Variants in EPS8 observed in about 807,000 individuals in gnomAD.
The protein encoded by EPS8 is epidermal growth factor receptor kinase substrate 8.
Under a neutral mutation model 103.8 loss-of-function variants are expected in EPS8, and 42 were observed. That is an observed-to-expected ratio of 0.40 (90% CI 0.32 to 0.52). EPS8 has a LOEUF of 0.52. Ranked by LOEUF, EPS8 falls within the 20% of genes least tolerant of loss-of-function variation. EPS8 has a pLI of 0.40. For missense variants in EPS8, 969 were observed against 1,005.1 expected (o/e 0.96, Z 0.49); for synonymous variants, 344 against 344.6 (o/e 1.00, Z 0.02).
rs188709815 is a variant in EPS8, at chr12:15,716,773, T to C, written c.-21-33801A>G. ...AATGATGTGAGGTCACTTACATAAA[T>C]TGTTAGGACAACCAAGCAGAATCGA... On this transcript the variant is annotated intron_variant, in intron 1 of 20. Transcript: ENST00000281172. This position sits in a 1 kb window ranked among gnomAD's most constrained non-coding sequence, Gnocchi z 5.0. Among the ~76,000 whole-genome samples, 89 of 152,310 alleles carry C rather than the reference T, an allele frequency of 5.8e-4. 1 individual carries two copies. The highest frequency in any genetic ancestry group is 2.0e-3 in the African/African-American group (84 of 41,572).
rs1282181607 is a variant in EPS8, at chr12:15,751,294, G to C, written c.-22+37867C>G. On this transcript the variant is annotated intron_variant, in intron 1 of 20. Coordinates refer to ENST00000281172, the MANE Select transcript of EPS8 (RefSeq NM_004447.6). The surrounding 1 kb of genome is among the most constrained non-coding windows in gnomAD (Gnocchi z 4.3). ...AATCGCTTGAACCTGGGAGATAAAG[G>C]CTGCAGTGAGCTGAGATCACGCCAC... 6.6e-6 allele frequency among the ~76,000 whole-genome samples: 1 copy of C among 152,086 alleles called. No individual in the cohort carries two copies. Among genetic ancestry groups the C allele is most frequent in the Non-Finnish European group, 1.5e-5 (1 of 68,014 alleles).
intron 1 of EPS8, among the ~76,000 whole-genome samples, chr12:15,743,845 G>T (rs542482486): frequency 9.2e-5 from 14 of 152,264 alleles, no homozygotes; most frequent in African/African-American, 2.9e-4. Context: ...CAGGCCATAG[G>T]CATGGGCAAG....
Position 15,666,490 on chromosome 12 carries a change from T to G in EPS8, c.549A>C (p.Ala183=), listed in dbSNP as rs777252396. 7 of 1,613,994 alleles carry G rather than the reference T, an allele frequency of 4.3e-6. No individual in the cohort carries two copies. Among genetic ancestry groups the G allele is most frequent in the East Asian group, 2.2e-5 (1 of 44,862 alleles). The change falls in exon 7 of 21, where the codon GCA becomes GCC. Residue 183 remains alanine, a synonymous_variant. Coordinates refer to ENST00000281172, the MANE Select transcript of EPS8 (RefSeq NM_004447.6). ...GTTTCCCTCCTTTACTGTCACTGAT[T>G]GCACTTTCAATATCTTCACTAATTA... ...ANLISEDIES[A]ISDSKGGKQK... is the part of the protein sequence containing the mutation.
chr12:15,709,469 A>G (rs1474474263), intron 1 of EPS8, among the ~76,000 whole-genome samples: 1 of 152,232 alleles, frequency 6.6e-6, no homozygotes, highest in Non-Finnish European at 1.5e-5. Flanking sequence ...AAGCATAAAG[A>G]AGAAGCTTAA....
chr12:15,703,664 T>C (rs116515855), intron 1 of EPS8, among the ~76,000 whole-genome samples: 3,116 of 151,480 alleles, frequency 0.021, 97 homozygotes, highest in African/African-American at 0.069. Flanking sequence ...TAGGAGATGG[T>C]AAGGAGTAAC....
rs75139676 is a variant in EPS8 at position 15,660,873 on chromosome 12, A to G, written c.811-133T>C. On this transcript the variant is annotated intron_variant, in intron 9 of 20. Transcript: ENST00000281172. ...CATGCCAATTTCAAGTTTATTACTA[A>G]TTACAAGAATCAAACTAAATATACC... The G allele has an allele frequency of 2.3e-3, 1,324 of 573,648 alleles. 21 individuals are homozygous for G. In the East Asian group the frequency reaches 0.037, roughly 16 times the overall value. The allele number at this position is 573,648 out of a possible 1,614,324, so 35.5% of individuals were successfully genotyped here. A position where few individuals can be genotyped will look rare whatever the true frequency, so the allele number is the denominator to read the frequency against.
intron 1 of EPS8, among the ~76,000 whole-genome samples, chr12:15,723,400 C>A (rs1376621290): frequency 2.6e-5 from 4 of 152,044 alleles, no homozygotes; most frequent in Admixed American, 6.6e-5. Flanking sequence ...TCTTTAAAAC[C>A]ATTCCTCTTA....
intron 12 of EPS8, among the ~76,000 whole-genome samples, chr12:15,657,579 A>C (rs1301969212): frequency 6.6e-6 from 1 of 152,222 alleles, no homozygotes; most frequent in Non-Finnish European, 1.5e-5. Context: ...CCAAGCACAT[A>C]GAAGGCTCTC....
chr12:15,636,064 C>T (rs1181984995), intron 17 of EPS8, among the ~76,000 whole-genome samples: 1 of 152,102 alleles, frequency 6.6e-6, no homozygotes, highest in Admixed American at 6.5e-5. Context: ...TTGGCATATA[C>T]CTTGCAAATT....
chr12:15,740,460 G>A (rs117122167), intron 1 of EPS8, among the ~76,000 whole-genome samples: 2,920 of 152,114 alleles, frequency 0.019, 40 homozygotes, highest in Non-Finnish European at 0.027. Context: ...CAGGAGAACT[G>A]CTAGAACCCA....
intron 15 of EPS8, among the ~76,000 whole-genome samples, chr12:15,643,740 G>GAAAAAAAAAAA (rs56952348): frequency 4.7e-4 from 36 of 76,954 alleles, no homozygotes; most frequent in Middle Eastern, 7.7e-3. Context: ...ACTCTGTCTC[G>GAAAAAAAAAAA]AAAAAAAAAA....
intron 1 of EPS8, among the ~76,000 whole-genome samples, chr12:15,729,109 G>A (rs1348475864): frequency 2.0e-5 from 3 of 152,068 alleles, no homozygotes; most frequent in African/African-American, 7.2e-5. Context: ...AGAGATGTCC[G>A]ATGTAATTCT....
intron 1 of EPS8, among the ~76,000 whole-genome samples, chr12:15,754,282 A>T (rs1278251342): frequency 6.6e-6 from 1 of 152,170 alleles, no homozygotes; most frequent in Non-Finnish European, 1.5e-5. Flanking sequence ...AAACTCCAAG[A>T]ATCCAGAACT....
At chr12:15,666,715 T>G (rs1945718616) in intron 6 of EPS8, among the ~76,000 whole-genome samples, 193 bp from the exon 7 acceptor site, 1 of 152,220 alleles carries the variant, frequency 6.6e-6, no homozygotes, top group Non-Finnish European at 1.5e-5. Context: ...GATAAGATTT[T>G]AAAAACTGAA....
intron 1 of EPS8, among the ~76,000 whole-genome samples, chr12:15,710,950 T>A (rs1946454413): frequency 6.6e-6 from 1 of 152,168 alleles, no homozygotes; most frequent in Non-Finnish European, 1.5e-5. Flanking sequence ...CTCATGGCAG[T>A]CTCAGTCTCC....
intron 18 of EPS8, among the ~76,000 whole-genome samples, chr12:15,629,509 C>T (rs1326169378): frequency 1.3e-5 from 2 of 152,322 alleles, no homozygotes; most frequent in Non-Finnish European, 2.9e-5. Context: ...CATCTTAAAA[C>T]TATGTCTTTA....
intron 14 of EPS8, among the ~76,000 whole-genome samples, chr12:15,647,609 T>C (rs1326551253): frequency 1.3e-5 from 2 of 152,244 alleles, no homozygotes; most frequent in African/African-American, 4.8e-5. Flanking sequence ...AACATTATAG[T>C]ATTTTCAATA....
Position 15,784,934 on chromosome 12 carries a change from T to C in EPS8, c.-22+4227A>G, listed in dbSNP as rs1947296072. On this transcript the variant is annotated intron_variant, in intron 1 of 20. Transcript: ENST00000281172. The surrounding 1 kb of genome is among the most constrained non-coding windows in gnomAD (Gnocchi z 4.0). ...CAAAAGTAAAGAGACAGTAAAAAGA[T>C]ACGTGGTTTTCTGGGAGAGGGGCTC... 6.6e-6 allele frequency among the ~76,000 whole-genome samples: 1 copy of C among 152,120 alleles called. No individual in the cohort carries two copies. Among genetic ancestry groups the C allele is most frequent in the African/African-American group, 2.4e-5 (1 of 41,464 alleles).
intron 1 of EPS8, among the ~76,000 whole-genome samples, chr12:15,719,470 A>T (rs1946570956): frequency 6.6e-6 from 1 of 152,242 alleles, no homozygotes. Context: ...AAAGGGCTTG[A>T]AATCAGACAA....
Sources: gnomAD v4.1 joint callset for allele counts (sites outside exome capture counted in the v4.1 genomes callset) on GRCh38, gnomAD v4.1.1 for gene constraint, Gnocchi (gnomAD v3.1) non-coding constraint, MANE v1.5 for transcripts, NCBI Gene and HGNC (gene_info 2026-07-23, HGNC 2026-07-21) for gene names.